The following OXR1 variants were observed in gnomAD, a reference collection of about 807,000 sequenced individuals.
The protein encoded by OXR1 is oxidation resistance protein 1.
OXR1 carries 41 observed loss-of-function variants against 104.6 expected under a neutral mutation model. That is an observed-to-expected ratio of 0.39 (90% confidence interval 0.31 to 0.51). The LOEUF is 0.51. Ranked by LOEUF, OXR1 falls within the 20% of genes least tolerant of loss-of-function variation. The pLI is 0.77. For missense variants in OXR1, 955 were observed against 1,031.9 expected (o/e 0.93, Z 1.02); for synonymous variants, 348 against 348.4 (o/e 1.00, Z 0.01).
At chr8:106,569,812 G>A (rs536335969) in intron 3 of OXR1, among the ~76,000 whole-genome samples, 1 of 152,156 alleles carries the variant, frequency 6.6e-6, no homozygotes, top group Non-Finnish European at 1.5e-5. Context: ...ATTCTAAACT[G>A]TTATGAAATC....
At chr8:106,498,801 C>T (rs1268806719) in intron 2 of OXR1, among the ~76,000 whole-genome samples, 1 of 152,142 alleles carries the variant, frequency 6.6e-6, no homozygotes, top group South Asian at 2.1e-4. Context: ...TTTTATGTGC[C>T]ATTAGTTCAT....
At chr8:106,451,148 A>G (rs1200275104) in intron 2 of OXR1, among the ~76,000 whole-genome samples, 1 of 152,190 alleles carries the variant, frequency 6.6e-6, no homozygotes, top group Non-Finnish European at 1.5e-5. Flanking sequence ...AGTGTAAAAC[A>G]ATATGCTCTT....
At chr8:106,447,957 A>C in intron 2 of OXR1, 1 of 1,535,350 alleles carries the variant, frequency 6.5e-7, no homozygotes, top group Non-Finnish European at 8.7e-7. Flanking sequence ...CACAGGTAAC[A>C]GAACTCTGAT....
At chr8:106,431,206 G>A (rs1297850550) in intron 2 of OXR1, among the ~76,000 whole-genome samples, 1 of 152,124 alleles carries the variant, frequency 6.6e-6, no homozygotes, top group African/African-American at 2.4e-5. Flanking sequence ...CAACAGAGAT[G>A]AATTGTCCCC....
intron 2 of OXR1, among the ~76,000 whole-genome samples, chr8:106,471,352 T>A (rs1321582895): frequency 2.6e-5 from 4 of 151,758 alleles, no homozygotes; most frequent in African/African-American, 7.3e-5. Flanking sequence ...GAGTTTTTCA[T>A]CACTGCTCAA....
At chr8:106,283,323 C>T (rs562582605) in intron 1 of OXR1, among the ~76,000 whole-genome samples, 2 of 152,264 alleles carry the variant, frequency 1.3e-5, no homozygotes, top group South Asian at 2.1e-4. Flanking sequence ...TTAGACCATA[C>T]CATATGCATG....
chr8:106,378,916 T>C (rs1817016834), intron 2 of OXR1, among the ~76,000 whole-genome samples: 1 of 152,156 alleles, frequency 6.6e-6, no homozygotes, highest in Non-Finnish European at 1.5e-5. Context: ...CACTGCTGAG[T>C]CTTATACCCT....
intron 1 of OXR1, among the ~76,000 whole-genome samples, chr8:106,326,093 T>G (rs1814457270): frequency 6.6e-6 from 1 of 152,184 alleles, no homozygotes; most frequent in Admixed American, 6.5e-5. Context: ...TAGGTTTGGG[T>G]GAATGTTCTG....
At chr8:106,432,283 G>A (rs955594649) in intron 2 of OXR1, among the ~76,000 whole-genome samples, 4 of 152,030 alleles carry the variant, frequency 2.6e-5, no homozygotes, top group African/African-American at 9.7e-5. Flanking sequence ...ATTGGATCAC[G>A]TATCCTCCCC....
At chr8:106,652,207 G>A (rs894267562) in intron 3 of OXR1, among the ~76,000 whole-genome samples, 5 of 152,080 alleles carry the variant, frequency 3.3e-5, no homozygotes, top group African/African-American at 1.2e-4. Flanking sequence ...GTGCTGAGTA[G>A]GCATTTACTA....
intron 2 of OXR1, among the ~76,000 whole-genome samples, chr8:106,461,342 T>A (rs1194191631): frequency 6.6e-6 from 1 of 151,906 alleles, no homozygotes; most frequent in Non-Finnish European, 1.5e-5. Flanking sequence ...GAGGCTGAGG[T>A]AGGTGGATCA....
At position 106,488,380 on chromosome 8, in the gene OXR1, T is replaced by G. The variant is rs879577680; in HGVS notation, c.24-30563T>G. On this transcript the variant is annotated intron_variant, in intron 2 of 16. Coordinates refer to ENST00000517566, the MANE Select transcript of OXR1 (RefSeq NM_001198533.2). Reference sequence around the variant, plus strand: ...TTCTCCCATTTTGTAGGTTGCCTGTTCACTCTGATGGTAGTTTCTTTTGCT... The same window carrying G: ...TTCTCCCATTTTGTAGGTTGCCTGTGCACTCTGATGGTAGTTTCTTTTGCT... Among the ~76,000 whole-genome samples the G allele has an allele frequency of 8.9e-3, 1,285 of 144,062 alleles. 8 individuals carry two copies. Among genetic ancestry groups the G allele is most frequent in the Non-Finnish European group, 0.015 (955 of 65,594 alleles). 94.5% of individuals were successfully genotyped at this position (144,062 alleles called of 152,430 possible).
chr8:106,658,609 C>T (rs1345118505), intron 3 of OXR1, among the ~76,000 whole-genome samples: 1 of 152,198 alleles, frequency 6.6e-6, no homozygotes, highest in Non-Finnish European at 1.5e-5. Flanking sequence ...CTTAATATTT[C>T]TCAGTTGTTA....
At chr8:106,638,106 G>T (rs1229137224) in intron 3 of OXR1, among the ~76,000 whole-genome samples, 2 of 152,048 alleles carry the variant, frequency 1.3e-5, no homozygotes, top group Non-Finnish European at 2.9e-5. Context: ...CCTAAGGGCA[G>T]GATATCCATA....
chr8:106,544,229 T>C (rs911701353), intron 3 of OXR1, among the ~76,000 whole-genome samples: 1 of 151,102 alleles, frequency 6.6e-6, no homozygotes, highest in African/African-American at 2.4e-5. Context: ...TTTTCATTTA[T>C]AAGATGGTGT....
chr8:106,651,145 G>A (rs573193157), intron 3 of OXR1, among the ~76,000 whole-genome samples: 52 of 152,208 alleles, frequency 3.4e-4, no homozygotes, highest in Admixed American at 1.2e-3. Flanking sequence ...ACCATTATTC[G>A]CTCCCCTACT....
chr8:106,589,818 C>T (rs1342364060), intron 3 of OXR1, among the ~76,000 whole-genome samples: 1 of 152,132 alleles, frequency 6.6e-6, no homozygotes, highest in Non-Finnish European at 1.5e-5. Flanking sequence ...AGACATATGC[C>T]ACCATGCCCG....
intron 2 of OXR1, among the ~76,000 whole-genome samples, chr8:106,500,975 TG>T (rs1811771810): frequency 6.6e-6 from 1 of 152,284 alleles, no homozygotes; most frequent in East Asian, 1.9e-4. Flanking sequence ...AATTGGGTGA[TG>T]GAGAGAGTTG....
intron 2 of OXR1, among the ~76,000 whole-genome samples, chr8:106,373,807 C>G (rs920473404): frequency 1.3e-5 from 2 of 152,212 alleles, no homozygotes; most frequent in African/African-American, 4.8e-5. Context: ...CCAGGCCAGT[C>G]TTGAACTCCT....
Sources: allele counts gnomAD v4.1 joint callset (sites outside exome capture counted in the v4.1 genomes callset), GRCh38; gene constraint gnomAD v4.1.1; transcripts MANE v1.5; gene names NCBI Gene and HGNC (gene_info 2026-07-23, HGNC 2026-07-21).